PLIN5: variants seen among roughly 807,000 people sequenced by gnomAD.
PLIN5 encodes the protein perilipin 5.
A neutral mutation model predicts 32.8 loss-of-function variants in PLIN5; 34 were observed. The observed-to-expected ratio is 1.04, with a 90% CI of 0.79 to 1.38. The LOEUF is 1.38. Among genes scored for constraint, PLIN5 ranks in the 40% most tolerant of loss-of-function variants. The pLI, the probability that PLIN5 is intolerant of heterozygous loss-of-function variation, is 0.00. For missense variants in PLIN5, 712 were observed against 660.5 expected (o/e 1.08, Z -0.85); for synonymous variants, 309 against 292.9 (o/e 1.05, Z -0.56).
At chr19:4,533,565 T>G (rs2145331358) in intron 2 of PLIN5, 1 of 243,618 alleles carries the variant, frequency 4.1e-6, no homozygotes, top group African/African-American at 2.2e-5. Flanking sequence ...GGCAAGCCAC[T>G]GAACTGTTCG....
chr19:4,532,198 C>A (rs1330995633), intron 2 of PLIN5, among the ~76,000 whole-genome samples: 1 of 151,950 alleles, frequency 6.6e-6, no homozygotes, highest in East Asian at 1.9e-4. Flanking sequence ...CCACACCTGG[C>A]AATTATATTA....
At chr19:4,529,761 C>T in intron 4 of PLIN5, 23 bp downstream of exon 4, 2 of 1,608,068 alleles carry the variant, frequency 1.2e-6, no homozygotes, top group Non-Finnish European at 1.7e-6. Flanking sequence ...CTGGAGGTCC[C>T]CATGTCTAGT....
In PLIN5 at chr19:4,523,777, G is replaced by T. The variant is rs1976762172; in HGVS notation, c.1143C>A (p.Ile381=). The change falls in exon 8 of 8, where the codon ATC becomes ATA. Residue 381 remains isoleucine, a synonymous_variant. Coordinates refer to ENST00000381848, the MANE Select transcript of PLIN5 (RefSeq NM_001013706.3). The surrounding 1 kb of genome is among the most constrained non-coding windows in gnomAD (Gnocchi z 5.0). ...GCAGGGGCTCGGGTCGCTCCACAAGGATGGGCGCGAAGGGTCCCACCAGCC... is the reference window on the plus strand; with the variant it reads ...GCAGGGGCTCGGGTCGCTCCACAAGTATGGGCGCGAAGGGTCCCACCAGCC... The part of the protein sequence containing the change: ...LPWLVGPFAP[I]LVERPEPLPD... The T allele has an allele frequency of 2.5e-6, 4 of 1,598,320 alleles. No individual in the cohort carries two copies. In the African/African-American group the frequency reaches 4.0e-5, roughly 16 times the overall value.
In PLIN5 at chr19:4,523,150, C is replaced by A; in HGVS notation, c.*378G>T. 1 of 176,890 alleles carries A rather than the reference C, an allele frequency of 5.7e-6. No individual in the cohort carries two copies. The highest frequency in any genetic ancestry group is 1.2e-5 in the Non-Finnish European group (1 of 85,178). The allele number at this position is 176,890 out of a possible 1,614,324, so 11.0% of individuals were successfully genotyped here. A position where few individuals can be genotyped will look rare whatever the true frequency, so the allele number is the denominator to read the frequency against. The stretch of plus-strand genomic sequence containing the variant: ...ATGTTGGCCAGGATGATCCCGAACT[C>A]CTGACTTCAGATGATCCACCTGCCT... On this transcript the variant is annotated 3_prime_UTR_variant, in exon 8 of 8. Transcript: ENST00000381848. The surrounding 1 kb of genome is among the most constrained non-coding windows in gnomAD (Gnocchi z 5.0).
chr19:4,534,213 A>AATG, intron 1 of PLIN5, 118 bp from the exon 2 acceptor site: 1 of 782,892 alleles, frequency 1.3e-6, no homozygotes, highest in African/African-American at 1.7e-5. Context: ...TCATCTGCAT[A>AATG]ATGGGGCATT....
intron 7 of PLIN5, 49 bp downstream of exon 7, chr19:4,524,914 C>T (rs796876646): frequency 2.9e-5 from 43 of 1,473,750 alleles, no homozygotes; most frequent in Middle Eastern, 2.4e-4. Flanking sequence ...CCTCTTCCTC[C>T]GCGGCCTGGT....
intron 4 of PLIN5, chr19:4,529,547 T>TACAC (rs1236562687): frequency 2.2e-6 from 1 of 459,624 alleles, no homozygotes; most frequent in African/African-American, 4.0e-5. Flanking sequence ...CTTATACGTA[T>TACAC]ATATACATAT....
intron 3 of PLIN5, 46 bp downstream of exon 3, chr19:4,531,581 G>A (rs1362951549): frequency 6.9e-7 from 1 of 1,457,712 alleles, no homozygotes; most frequent in Admixed American, 2.3e-5. Context: ...GGGCGGTGGG[G>A]GGGTGGCAAG....
chr19:4,530,013 G>C lies in PLIN5; in HGVS notation c.257-147C>G, dbSNP rs10403749. 10 of 471,510 alleles carry C rather than the reference G, an allele frequency of 2.1e-5. No homozygotes were observed. In the East Asian group the frequency reaches 2.2e-4, roughly 10 times the overall value. 29.2% of individuals were successfully genotyped at this position (471,510 alleles called of 1,614,324 possible). ...AGGATAAGACAGGGAGAAACAAAAC[G>C]GAATGATGGAGACGAGACCCACACC... is the stretch of plus-strand genomic sequence containing the variant. On this transcript the variant is annotated intron_variant, in intron 3 of 7. Coordinates refer to ENST00000381848, the MANE Select transcript of PLIN5 (RefSeq NM_001013706.3).
intron 4 of PLIN5, 64 bp downstream of exon 4, chr19:4,529,717 CCCT>C (rs1568245356): frequency 1.3e-6 from 1 of 799,896 alleles, no homozygotes; most frequent in South Asian, 1.4e-5. Flanking sequence ...CACCATCCCT[CCCT>C]CCCTCCCGCC....
intron 3 of PLIN5, among the ~76,000 whole-genome samples, chr19:4,531,250 C>T (rs145891584): frequency 0.041 from 6,265 of 152,082 alleles, 208 homozygotes; most frequent in Middle Eastern, 0.075. Flanking sequence ...CCAACCGCCT[C>T]AGCCTCACGA....
chr19:4,531,004 TGC>T (rs1976877138), intron 3 of PLIN5, among the ~76,000 whole-genome samples: 1 of 148,142 alleles, frequency 6.8e-6, no homozygotes, highest in African/African-American at 2.5e-5. Context: ...TGTTTGTTTT[TGC>T]TTTTTTTTTT....
chr19:4,527,940 C>T (rs543017540), intron 5 of PLIN5, among the ~76,000 whole-genome samples: 4 of 150,460 alleles, frequency 2.7e-5, no homozygotes, highest in East Asian at 2.0e-4. Flanking sequence ...GATAGAGTCT[C>T]GCTCTGTCAC....
chr19:4,523,284 C>T lies in PLIN5; in HGVS notation c.*244G>A, dbSNP rs1976753498. 2.2e-6 allele frequency: 1 copy of T among 449,992 alleles called. No individual in the cohort carries two copies. Among genetic ancestry groups the T allele is most frequent in the South Asian group, 4.6e-5 (1 of 21,784 alleles). The allele number at this position is 449,992 out of a possible 1,614,324, so 27.9% of individuals were successfully genotyped here. A position where few individuals can be genotyped will look rare whatever the true frequency, so the allele number is the denominator to read the frequency against. The stretch of plus-strand genomic sequence containing the variant: ...GGGAGCAGGACATAGGTGAAGAACC[C>T]AGCTTGTGGCTCAAGTTGGCCTGAA... On this transcript the variant is annotated 3_prime_UTR_variant, in exon 8 of 8. Coordinates refer to ENST00000381848, the MANE Select transcript of PLIN5 (RefSeq NM_001013706.3). The surrounding 1 kb of genome is among the most constrained non-coding windows in gnomAD (Gnocchi z 5.0).
At chr19:4,529,713 C>A in intron 4 of PLIN5, 71 bp downstream of exon 4, 15 of 1,006,606 alleles carry the variant, frequency 1.5e-5, no homozygotes, top group Middle Eastern at 2.2e-4. Flanking sequence ...TTGTCACCAT[C>A]CCTCCCTCCC....
intron 4 of PLIN5, 139 bp from the exon 5 acceptor site, chr19:4,529,392 T>G (rs1191513805): frequency 2.2e-6 from 2 of 919,816 alleles, no homozygotes; most frequent in Non-Finnish European, 3.2e-6. Context: ...ATAAAATGGG[T>G]GATAAAACCC....
intron 3 of PLIN5, among the ~76,000 whole-genome samples, chr19:4,530,830 G>T (rs1343365103): frequency 6.6e-6 from 1 of 151,178 alleles, no homozygotes; most frequent in South Asian, 2.1e-4. Flanking sequence ...CCTCCACCAC[G>T]CCTGGATAAT....
Position 4,523,921 on chromosome 19 carries a change from G to A in PLIN5, c.999C>T (p.Ala333=). 1 of 1,528,880 alleles carries A rather than the reference G, an allele frequency of 6.5e-7. No individual in the cohort carries two copies. Among genetic ancestry groups the A allele is most frequent in the South Asian group, 1.2e-5 (1 of 82,960 alleles). 94.7% of individuals were successfully genotyped at this position (1,528,880 alleles called of 1,614,324 possible). A position where few individuals can be genotyped will look rare whatever the true frequency, so the allele number is the denominator to read the frequency against. ...VDALQTAFAD[A]RCFRDVPAAA... is the part of the protein sequence containing the mutation. ...CCGCTGGCACGTCCCTGAAGCAGCG[G>A]GCATCAGCGAAGGCGGTCTGCAGGG... Residue 333 remains alanine, a synonymous_variant, in exon 8 of 8, where the codon GCC becomes GCT. Coordinates refer to ENST00000381848, the MANE Select transcript of PLIN5 (RefSeq NM_001013706.3). The surrounding 1 kb of genome is among the most constrained non-coding windows in gnomAD (Gnocchi z 5.0).
Position 4,523,350 on chromosome 19 carries a change from G to T in PLIN5, c.*178C>A. 1 of 673,264 alleles carries T rather than the reference G, an allele frequency of 1.5e-6. No homozygotes were observed. The highest frequency in any genetic ancestry group is 2.3e-6 in the Non-Finnish European group (1 of 439,494). The allele number at this position is 673,264 out of a possible 1,614,324, so 41.7% of individuals were successfully genotyped here. Reference sequence around the variant, plus strand: ...TGCTCCCCCGGGCCTCTTTGTCCATGTGTTCAAGGAAAAAATGGGAGAGTC... The same window carrying T: ...TGCTCCCCCGGGCCTCTTTGTCCATTTGTTCAAGGAAAAAATGGGAGAGTC... On this transcript the variant is annotated 3_prime_UTR_variant, in exon 8 of 8. Transcript: ENST00000381848. This position sits in a 1 kb window ranked among gnomAD's most constrained non-coding sequence, Gnocchi z 5.0.
Sources: allele counts gnomAD v4.1 joint callset (sites outside exome capture counted in the v4.1 genomes callset), GRCh38; gene constraint gnomAD v4.1.1; non-coding constraint Gnocchi (gnomAD v3.1); transcripts MANE v1.5; gene names NCBI Gene and HGNC (gene_info 2026-07-23, HGNC 2026-07-21).